Variants in ANKS6 observed in about 807,000 individuals in gnomAD.
ANKS6 encodes the protein ankyrin repeat and sterile alpha motif domain containing 6.
In ANKS6, 47 loss-of-function variants were observed where a neutral mutation model predicts 77.9. The observed-to-expected ratio is 0.60, with a 90% CI of 0.48 to 0.77. The LOEUF (loss-of-function observed/expected upper bound fraction) is 0.77. Ranked by LOEUF, ANKS6 falls within the 30% of genes least tolerant of loss-of-function variation. The pLI is 0.00. For synonymous variants in ANKS6, 488 were observed against 501.7 expected (o/e 0.97, Z 0.37); for missense variants, 1,150 against 1,159.1 (o/e 0.99, Z 0.11).
intron 11 of ANKS6, among the ~76,000 whole-genome samples, chr9:98,765,850 A>G (rs748312666): frequency 6.6e-6 from 1 of 152,254 alleles, no homozygotes; most frequent in Non-Finnish European, 1.5e-5. Flanking sequence ...TACAAAAACC[A>G]GATTGAGGAG....
In ANKS6 at chr9:98,783,988, A is replaced by G. The variant is rs369418562; in HGVS notation, c.1077T>C (p.His359=). Residue 359 remains histidine, a synonymous_variant, in exon 4 of 15, where the codon CAT becomes CAC. Coordinates refer to ENST00000353234, the MANE Select transcript of ANKS6 (RefSeq NM_173551.5). ...TTGCCTGCATGAGGGCCGTCCAGCC[A>G]TGCACGCTGTCCTGCTTGTCAACAT... ...HADVDKQDSV[H]GWTALMQATY... The G allele has an allele frequency of 6.5e-5, 104 of 1,606,960 alleles. No individual in the cohort carries two copies. Among genetic ancestry groups the G allele is most frequent in the Non-Finnish European group, 8.1e-5 (95 of 1,178,042 alleles).
At position 98,790,597 on chromosome 9, in the gene ANKS6, ATGCCCAAATC is replaced by A; in HGVS notation, c.360-1_368del. On this transcript the variant is annotated splice_acceptor_variant and coding_sequence_variant, in exon 2 of 15. Coordinates refer to ENST00000353234, the MANE Select transcript of ANKS6 (RefSeq NM_173551.5). LOFTEE classifies it high-confidence loss of function. Reference sequence around the variant, plus strand: ...CCAACAGGAGGTGTGCCACACTCACATGCCCAAATCTGCCAGGAAGATGGAGAATTAGTGA... The same window carrying A: ...CCAACAGGAGGTGTGCCACACTCACATGCCAGGAAGATGGAGAATTAGTGA... 6.3e-7 allele frequency: 1 copy of A among 1,597,950 alleles called. No individual in the cohort carries two copies. The highest frequency in any genetic ancestry group is 8.6e-7 in the Non-Finnish European group (1 of 1,166,936).
At chr9:98,773,342 C>G (rs116137415) in intron 9 of ANKS6, among the ~76,000 whole-genome samples, 286 of 152,346 alleles carry the variant, frequency 1.9e-3, no homozygotes, top group African/African-American at 6.7e-3. Flanking sequence ...CATCTACCAT[C>G]TAGATACAGG....
chr9:98,753,013 G>T (rs1832512847), intron 12 of ANKS6, among the ~76,000 whole-genome samples: 1 of 151,838 alleles, frequency 6.6e-6, no homozygotes, highest in South Asian at 2.1e-4. Flanking sequence ...ATGCAGCCTT[G>T]GTCCACAGTG....
chr9:98,739,758 A>ATTTTCTTTTTTTTTTTT (rs1554731569), intron 14 of ANKS6, among the ~76,000 whole-genome samples: 1 of 88,858 alleles, frequency 1.1e-5, no homozygotes, highest in African/African-American at 5.2e-5. Flanking sequence ...TGGATTAAAC[A>ATTTTCTTTTTTTTTTTT]TTTTTTTTTT....
intron 14 of ANKS6, among the ~76,000 whole-genome samples, chr9:98,743,681 T>C (rs1831962315): frequency 6.6e-6 from 1 of 152,200 alleles, no homozygotes. Context: ...CCTCAACTTC[T>C]CTGAGCCTTG....
chr9:98,773,746 T>A (rs1205913826), intron 9 of ANKS6, 131 bp downstream of exon 9: 6 of 676,646 alleles, frequency 8.9e-6, no homozygotes, highest in Non-Finnish European at 1.3e-5. Flanking sequence ...CAAAAGGATA[T>A]CATCCATTCA....
chr9:98,754,408 G>A (rs397237), intron 12 of ANKS6, among the ~76,000 whole-genome samples: 9 of 152,136 alleles, frequency 5.9e-5, no homozygotes, highest in Non-Finnish European at 1.2e-4. Context: ...TTGGGAGGCC[G>A]AGGCGGGCGG....
At chr9:98,780,081 C>T in intron 6 of ANKS6, 108 bp downstream of exon 6, 1 of 1,480,210 alleles carries the variant, frequency 6.8e-7, no homozygotes. Flanking sequence ...GCCACCCCTG[C>T]AGGGACTCCC....
chr9:98,767,965 G>A (rs78333320), intron 11 of ANKS6, 116 bp downstream of exon 11: 1 of 1,367,432 alleles, frequency 7.3e-7, no homozygotes, highest in Non-Finnish European at 9.7e-7. Flanking sequence ...TGGCTGGAAG[G>A]GGCCTGTCTT....
chr9:98,766,230 T>C lies in ANKS6; in HGVS notation c.2142+1851A>G, dbSNP rs917117293. On this transcript the variant is annotated intron_variant, in intron 11 of 14. Coordinates refer to ENST00000353234, the MANE Select transcript of ANKS6 (RefSeq NM_173551.5). ...CATCTTTTGATACAATCTCCTTTCA[T>C]GAGAATATACTTATATATAATGTAT... Among the ~76,000 whole-genome samples, 3 of 152,236 alleles carry C rather than the reference T, an allele frequency of 2.0e-5. No individual in the cohort carries two copies. The East Asian group carries it at 5.8e-4, about 29-fold the overall frequency.
intron 12 of ANKS6, among the ~76,000 whole-genome samples, chr9:98,752,535 T>C (rs1024420533): frequency 6.6e-6 from 1 of 152,146 alleles, no homozygotes; most frequent in Non-Finnish European, 1.5e-5. Flanking sequence ...AAGCTCAGTG[T>C]GGCTGGGAGG....
chr9:98,784,813 G>T lies in ANKS6; in HGVS notation c.907+19C>A. ...CCCTATATTCTTAAATATCCAAAAA[G>T]ATTTTCTAAAGCGCTTACCCATTTT... On this transcript the variant is annotated intron_variant, in intron 3 of 14. Coordinates refer to ENST00000353234, the MANE Select transcript of ANKS6 (RefSeq NM_173551.5). 3 of 1,609,182 alleles carry T rather than the reference G, an allele frequency of 1.9e-6. No individual in the cohort carries two copies. Among genetic ancestry groups the T allele is most frequent in the Non-Finnish European group, 2.5e-6 (3 of 1,177,062 alleles).
chr9:98,777,494 C>G, intron 7 of ANKS6, 40 bp from the exon 8 acceptor site: 1 of 1,602,058 alleles, frequency 6.2e-7, no homozygotes, highest in Non-Finnish European at 8.6e-7. Context: ...GACCCCTCCA[C>G]GTGTCCACAG....
Position 98,733,886 on chromosome 9 carries a change from C to G in ANKS6, c.*2633G>C. 1 of 985,432 alleles carries G rather than the reference C, an allele frequency of 1.0e-6. No individual in the cohort carries two copies. The highest frequency in any genetic ancestry group is 1.2e-6 in the Non-Finnish European group (1 of 829,972). 61.0% of individuals were successfully genotyped at this position (985,432 alleles called of 1,614,324 possible). A position where few individuals can be genotyped will look rare whatever the true frequency, so the allele number is the denominator to read the frequency against. On this transcript the variant is annotated 3_prime_UTR_variant, in exon 15 of 15. Transcript: ENST00000353234. The stretch of plus-strand genomic sequence containing the variant: ...TGGAACTAGGGTTCCCAGGAGCATA[C>G]TTTTGGGAAATGCTGGTGAAGGTTG...
Position 98,733,677 on chromosome 9 carries a change from C to T in ANKS6, c.*2842G>A. 4.1e-6 allele frequency: 4 copies of T among 985,442 alleles called. No homozygotes were observed. The highest frequency in any genetic ancestry group is 4.8e-6 in the Non-Finnish European group (4 of 829,944). The allele number at this position is 985,442 out of a possible 1,614,324, so 61.0% of individuals were successfully genotyped here. A position where few individuals can be genotyped will look rare whatever the true frequency, so the allele number is the denominator to read the frequency against. ...AGTGATGAGAGTAATGTGGGAGATGCTATGAGTTTCTTGGCCCTGTGAAGA... is the reference window on the plus strand; with the variant it reads ...AGTGATGAGAGTAATGTGGGAGATGTTATGAGTTTCTTGGCCCTGTGAAGA... On this transcript the variant is annotated 3_prime_UTR_variant, in exon 15 of 15. Coordinates refer to ENST00000353234, the MANE Select transcript of ANKS6 (RefSeq NM_173551.5).
Position 98,782,482 on chromosome 9 carries a change from G to C in ANKS6, c.1204C>G (p.Leu402Val). The C allele has an allele frequency of 6.2e-7, 1 of 1,613,914 alleles. No individual in the cohort carries two copies. Among genetic ancestry groups the C allele is most frequent in the Non-Finnish European group, 8.5e-7 (1 of 1,179,816 alleles). The change falls in exon 5 of 15, where the codon CTG becomes GTG. Residue 402 changes from leucine (L) to valine (V), a missense_variant. By Grantham distance (32) the Leu-to-Val change is conservative (BLOSUM62 1). Coordinates refer to ENST00000353234, the MANE Select transcript of ANKS6 (RefSeq NM_173551.5). Reference sequence around the variant, plus strand: ...AATTACCTACCGGGATCATTCAGCAGCATCACCAGGTCAAAGGCCGTGTAT... The same window carrying C: ...AATTACCTACCGGGATCATTCAGCACCATCACCAGGTCAAAGGCCGTGTAT... ...NGYTAFDLVM[L>V]LNDPDTELVR... is the part of the protein sequence containing the mutation.
Position 98,734,868 on chromosome 9 carries a change from T to C in ANKS6, c.*1651A>G, listed in dbSNP as rs1308743227. The C allele has an allele frequency of 2.1e-5, 21 of 985,368 alleles. No individual in the cohort carries two copies. Among genetic ancestry groups the C allele is most frequent in the Non-Finnish European group, 2.5e-5 (21 of 829,954 alleles). 61.0% of individuals were successfully genotyped at this position (985,368 alleles called of 1,614,324 possible). The stretch of plus-strand genomic sequence containing the variant: ...TCAGTAACAGCTAAATGAAACACTT[T>C]GTCTTCAGTCCTGTGGAAAGTTGGC... On this transcript the variant is annotated 3_prime_UTR_variant, in exon 15 of 15. Transcript: ENST00000353234.
Position 98,732,702 on chromosome 9 carries a change from T to G in ANKS6, c.*3817A>C, listed in dbSNP as rs1054671503. The stretch of plus-strand genomic sequence containing the variant: ...TTCACATGATCCCTGGGGGCTACTA[T>G]CCCCCTGTAACCAAAAGGGAAACTG... On this transcript the variant is annotated 3_prime_UTR_variant, in exon 15 of 15. Transcript: ENST00000353234. 1 of 1,454,436 alleles carries G rather than the reference T, an allele frequency of 6.9e-7. No homozygotes were observed. Among genetic ancestry groups the G allele is most frequent in the Admixed American group, 2.6e-5 (1 of 38,158 alleles). The allele number at this position is 1,454,436 out of a possible 1,614,324, so 90.1% of individuals were successfully genotyped here.
Sources: allele counts gnomAD v4.1 joint callset (sites outside exome capture counted in the v4.1 genomes callset), GRCh38; gene constraint gnomAD v4.1.1; transcripts MANE v1.5; gene names NCBI Gene and HGNC (gene_info 2026-07-23, HGNC 2026-07-21).